SLC35F1: variants seen among roughly 807,000 people sequenced by gnomAD.
SLC35F1 encodes chromosome 6 open reading frame 169.
A neutral mutation model predicts 48.7 loss-of-function variants in SLC35F1; 14 were observed. The observed-to-expected ratio is 0.29, with a 90% CI of 0.19 to 0.45. SLC35F1 has a LOEUF of 0.45. Among genes scored for constraint, SLC35F1 ranks in the 20% least tolerant of loss-of-function variants. SLC35F1 has a pLI of 1.00. For missense variants in SLC35F1, 404 were observed against 500.0 expected (o/e 0.81, Z 1.83); for synonymous variants, 190 against 202.2 (o/e 0.94, Z 0.51).
intron 1 of SLC35F1, among the ~76,000 whole-genome samples, chr6:118,124,049 T>TGA (rs2114407338): frequency 6.6e-6 from 1 of 152,234 alleles, no homozygotes; most frequent in African/African-American, 2.4e-5. Flanking sequence ...CTTTTGAGAA[T>TGA]TTGTCTCTTG....
At chr6:118,191,352 C>T (rs541530358) in intron 2 of SLC35F1, among the ~76,000 whole-genome samples, 1 of 152,252 alleles carries the variant, frequency 6.6e-6, no homozygotes, top group East Asian at 1.9e-4. Flanking sequence ...CAACAGACCC[C>T]CTATTCATTT....
At chr6:118,306,702 G>A (rs1469269999) in intron 7 of SLC35F1, among the ~76,000 whole-genome samples, 5 of 152,172 alleles carry the variant, frequency 3.3e-5, no homozygotes, top group Non-Finnish European at 7.3e-5. Flanking sequence ...AAGCCCCTCT[G>A]TTCCACTTCT....
At chr6:118,184,653 A>G (rs1323027024) in intron 2 of SLC35F1, among the ~76,000 whole-genome samples, 1 of 152,204 alleles carries the variant, frequency 6.6e-6, no homozygotes, top group Non-Finnish European at 1.5e-5. Flanking sequence ...CTTCACACAC[A>G]CAAAAATAAG....
chr6:118,047,117 A>G (rs1265577291), intron 1 of SLC35F1, among the ~76,000 whole-genome samples: 1 of 152,208 alleles, frequency 6.6e-6, no homozygotes, highest in African/African-American at 2.4e-5. Flanking sequence ...TAAGAAGACA[A>G]GAAGCTATGG....
intron 1 of SLC35F1, among the ~76,000 whole-genome samples, chr6:118,121,088 G>A (rs1773547026): frequency 6.6e-6 from 1 of 152,136 alleles, no homozygotes; most frequent in African/African-American, 2.4e-5. Flanking sequence ...AATGAAAAGA[G>A]GTTTAGAGTT....
chr6:117,917,314 G>C (rs926391521), intron 1 of SLC35F1, among the ~76,000 whole-genome samples: 2 of 152,004 alleles, frequency 1.3e-5, no homozygotes, highest in Non-Finnish European at 2.9e-5. Flanking sequence ...TAAGTGGGCT[G>C]GGGAACAAGT....
chr6:118,158,067 T>C (rs78255909), intron 2 of SLC35F1, among the ~76,000 whole-genome samples: 2,005 of 152,284 alleles, frequency 0.013, 38 homozygotes, highest in African/African-American at 0.045. Flanking sequence ...CTAGGGAAAT[T>C]CTGACTACCG....
At chr6:117,973,653 C>T (rs148735710) in intron 1 of SLC35F1, among the ~76,000 whole-genome samples, 1 of 152,176 alleles carries the variant, frequency 6.6e-6, no homozygotes, top group African/African-American at 2.4e-5. Flanking sequence ...CCTAGAACTC[C>T]TAGGCTGAAG....
At chr6:118,102,728 C>T (rs1789906571) in intron 1 of SLC35F1, among the ~76,000 whole-genome samples, 1 of 152,320 alleles carries the variant, frequency 6.6e-6, no homozygotes, top group Admixed American at 6.5e-5. Flanking sequence ...CCTGAGTTCT[C>T]CCATTTGTAG....
intron 1 of SLC35F1, among the ~76,000 whole-genome samples, chr6:118,063,949 C>T (rs1291684050): frequency 6.6e-6 from 1 of 152,120 alleles, no homozygotes; most frequent in Non-Finnish European, 1.5e-5. Flanking sequence ...GCCTAGACTG[C>T]AGAAAGCAAA....
rs529986605 is a variant in SLC35F1 at position 118,070,766 on chromosome 6, A to G, written c.174-83679A>G. Among the ~76,000 whole-genome samples, 3 of 149,024 alleles carry G rather than the reference A, an allele frequency of 2.0e-5. No individual in the cohort carries two copies. The East Asian group carries it at 5.9e-4, about 29-fold the overall frequency. On this transcript the variant is annotated intron_variant, in intron 1 of 7. Transcript: ENST00000360388. ...ATGAATACTTAGATTTTTTTACACTAGCCCATCTTCCATCTCCCAACCTCC... is the reference window on the plus strand; with the variant it reads ...ATGAATACTTAGATTTTTTTACACTGGCCCATCTTCCATCTCCCAACCTCC...
chr6:118,112,998 A>G (rs1773430522), intron 1 of SLC35F1, among the ~76,000 whole-genome samples: 1 of 152,232 alleles, frequency 6.6e-6, no homozygotes, highest in African/African-American at 2.4e-5. Flanking sequence ...CAGACAATTT[A>G]AAAATAAAGG....
Position 117,949,849 on chromosome 6 carries a change from C to T in SLC35F1, c.173+41950C>T, listed in dbSNP as rs919723235. ...ACGTTTGGTCATCTTTACTCTCTGT[C>T]TCGGGGATAACTGGGTTGGGGGGTG... On this transcript the variant is annotated intron_variant, in intron 1 of 7. Coordinates refer to ENST00000360388, the MANE Select transcript of SLC35F1 (RefSeq NM_001029858.4). Among the ~76,000 whole-genome samples the T allele has an allele frequency of 4.6e-5, 7 of 152,176 alleles. No homozygotes were observed. The East Asian group carries it at 5.8e-4, about 13-fold the overall frequency.
chr6:118,085,721 T>A (rs201926234), intron 1 of SLC35F1, among the ~76,000 whole-genome samples: 1 of 2,000 alleles, frequency 5.0e-4, no homozygotes. Context: ...GATAAATTAA[T>A]TATGATTATG....
In SLC35F1 at chr6:118,309,546, T is replaced by G. The variant is rs114279411; in HGVS notation, c.1003-4482T>G. 5.1e-3 allele frequency among the ~76,000 whole-genome samples: 775 copies of G among 152,298 alleles called. 9 individuals are homozygous for G. Among genetic ancestry groups the G allele is most frequent in the African/African-American group, 0.018 (743 of 41,548 alleles). On this transcript the variant is annotated intron_variant, in intron 7 of 7. Transcript: ENST00000360388. ...TTCTCCTCTGCTGACCTCTGCCATGTTTTCAGTCAAGCTAGAAAAAGAAAG... is the reference window on the plus strand; with the variant it reads ...TTCTCCTCTGCTGACCTCTGCCATGGTTTCAGTCAAGCTAGAAAAAGAAAG...
At chr6:118,180,168 C>G (rs1774553201) in intron 2 of SLC35F1, among the ~76,000 whole-genome samples, 1 of 152,058 alleles carries the variant, frequency 6.6e-6, no homozygotes, top group South Asian at 2.1e-4. Flanking sequence ...AATTTAAAAC[C>G]ACTGAAGCTA....
At chr6:117,981,786 TG>T (rs1776784489) in intron 1 of SLC35F1, among the ~76,000 whole-genome samples, 1 of 152,244 alleles carries the variant, frequency 6.6e-6, no homozygotes, top group South Asian at 2.1e-4. Flanking sequence ...GACTTTTTTT[TG>T]TATATTCATA....
At chr6:118,142,257 A>T (rs1773901497) in intron 1 of SLC35F1, among the ~76,000 whole-genome samples, 1 of 152,072 alleles carries the variant, frequency 6.6e-6, no homozygotes, top group South Asian at 2.1e-4. Context: ...TGTCTTTTTT[A>T]AAATAAATTT....
intron 3 of SLC35F1, among the ~76,000 whole-genome samples, chr6:118,263,093 G>C (rs895505520): frequency 1.3e-5 from 2 of 152,152 alleles, no homozygotes; most frequent in South Asian, 2.1e-4. Context: ...ATCTCACTCT[G>C]TTGCCCAGGA....
Sources: gnomAD v4.1 joint callset for allele counts (sites outside exome capture counted in the v4.1 genomes callset) on GRCh38, gnomAD v4.1.1 for gene constraint, MANE v1.5 for transcripts, NCBI Gene and HGNC (gene_info 2026-07-23, HGNC 2026-07-21) for gene names.